DCC: variants seen among roughly 807,000 people sequenced by gnomAD.
DCC encodes DCC netrin 1 receptor.
DCC carries 58 observed loss-of-function variants against 172.5 expected under a neutral mutation model. The observed-to-expected ratio is 0.34, with a 90% confidence interval of 0.27 to 0.42. The LOEUF (loss-of-function observed/expected upper bound fraction) is 0.42, where lower values mean the gene tolerates loss of function less well. Ranked by LOEUF, DCC falls within the 10% of genes least tolerant of loss-of-function variation. DCC has a pLI of 1.00. For synonymous variants in DCC, 709 were observed against 644.5 expected, an observed-to-expected ratio of 1.10 and a Z score of -1.52; for missense variants, 1,740 against 1,791.0, an observed-to-expected ratio of 0.97 and a Z score of 0.51.
At chr18:53,126,962 C>T (rs894071373) in intron 7 of DCC, among the ~76,000 whole-genome samples, 5 of 152,072 alleles carry the variant, frequency 3.3e-5, no homozygotes, top group African/African-American at 1.2e-4. Context: ...AATTTAAGGA[C>T]ACAAGAGAGA....
chr18:53,469,245 A>C (rs577418686), intron 25 of DCC, among the ~76,000 whole-genome samples: 2 of 152,170 alleles, frequency 1.3e-5, no homozygotes, highest in African/African-American at 4.8e-5. Context: ...CCTGAAAAAA[A>C]CCTGGTAAAA....
At chr18:52,985,646 T>C (rs1346083997) in intron 5 of DCC, among the ~76,000 whole-genome samples, 4 of 152,144 alleles carry the variant, frequency 2.6e-5, no homozygotes, top group Non-Finnish European at 5.9e-5. Flanking sequence ...TTTACTTTTT[T>C]CAGCCATCTT....
Position 52,800,927 on chromosome 18 carries a change from T to TG in DCC, c.412+48555dup, listed in dbSNP as rs1175620521. On this transcript the variant is annotated intron_variant, in intron 2 of 28. Transcript: ENST00000442544. Reference sequence around the variant, plus strand: ...GTATAATTATGCACCTACTATAAGCTGGCGTATTGGCAGGGTGCATCATTG... The same window carrying TG: ...GTATAATTATGCACCTACTATAAGCTGGGCGTATTGGCAGGGTGCATCATTG... Among the ~76,000 whole-genome samples the TG allele has an allele frequency of 2.0e-5, 3 of 152,186 alleles. No individual in the cohort carries two copies. The East Asian group carries it at 5.8e-4, about 29-fold the overall frequency.
At chr18:52,597,295 G>A (rs16955284) in intron 1 of DCC, among the ~76,000 whole-genome samples, 2,151 of 152,230 alleles carry the variant, frequency 0.014, 54 homozygotes, top group African/African-American at 0.05. Context: ...TCCAGCTGGG[G>A]CTATTGGCTG....
At chr18:52,483,712 C>T (rs1379967424) in intron 1 of DCC, among the ~76,000 whole-genome samples, 1 of 152,058 alleles carries the variant, frequency 6.6e-6, no homozygotes. Flanking sequence ...TTTAATCTAA[C>T]TGTACTAGGC....
intron 1 of DCC, among the ~76,000 whole-genome samples, chr18:52,492,256 C>T (rs1055907860): frequency 2.6e-5 from 4 of 151,640 alleles, no homozygotes; most frequent in African/African-American, 4.8e-5. Context: ...ATTAAGTAGA[C>T]GATTCTCGAG....
intron 1 of DCC, among the ~76,000 whole-genome samples, chr18:52,595,236 C>A (rs2033884362): frequency 6.6e-6 from 1 of 152,092 alleles, no homozygotes; most frequent in Non-Finnish European, 1.5e-5. Flanking sequence ...AAAGATCAAT[C>A]ATATCTTTCC....
chr18:52,662,443 A>C (rs1179290610), intron 1 of DCC, among the ~76,000 whole-genome samples: 9 of 149,872 alleles, frequency 6.0e-5, no homozygotes, highest in Non-Finnish European at 1.2e-4. Flanking sequence ...CCTAAGGGAC[A>C]TGATGACATT....
chr18:52,865,890 A>G (rs1223978259), intron 2 of DCC, among the ~76,000 whole-genome samples: 1 of 152,084 alleles, frequency 6.6e-6, no homozygotes, highest in Admixed American at 6.6e-5. Flanking sequence ...CGCAGAAACT[A>G]TTTAGTTTAA....
At chr18:53,366,109 T>G (rs1248133608) in intron 15 of DCC, among the ~76,000 whole-genome samples, 3 of 151,912 alleles carry the variant, frequency 2.0e-5, no homozygotes, top group African/African-American at 4.8e-5. Flanking sequence ...CAGGCTGGAG[T>G]GCAGTGGCGC....
chr18:52,906,208 C>A lies in DCC; in HGVS notation c.577C>A (p.Pro193Thr). The A allele has an allele frequency of 2.5e-6, 4 of 1,613,882 alleles. No homozygotes were observed. In the East Asian group the frequency reaches 8.9e-5, roughly 36 times the overall value. The change falls in exon 3 of 29, where the codon CCC becomes ACC. Residue 193 changes from proline to threonine, a missense_variant. Physicochemically the swap from Pro to Thr is conservative, Grantham distance 38. Transcript: ENST00000442544. ...AGGTGACTCCCGAGTGGTGGTCTTG[C>A]CCTCTGGAGCATTGCAGATCAGCCG... ...IPGDSRVVVLPSGALQISRLQ... is the reference protein window; with the variant it reads ...IPGDSRVVVLTSGALQISRLQ...
chr18:53,413,838 G>T (rs1599122571), intron 20 of DCC, among the ~76,000 whole-genome samples: 1 of 152,072 alleles, frequency 6.6e-6, no homozygotes, highest in Non-Finnish European at 1.5e-5. Context: ...GATTGGGTGG[G>T]CACTTATGAC....
At chr18:52,558,265 CATTT>C (rs1363760358) in intron 1 of DCC, among the ~76,000 whole-genome samples, 1 of 151,482 alleles carries the variant, frequency 6.6e-6, no homozygotes, top group East Asian at 1.9e-4. Flanking sequence ...TATTAATTAA[CATTT>C]ATTATGATAA....
chr18:52,925,136 C>A, intron 4 of DCC, 98 bp from the exon 5 acceptor site: 1 of 1,230,700 alleles, frequency 8.1e-7, no homozygotes, highest in Non-Finnish European at 1.2e-6. Context: ...TTTCAAGTGT[C>A]TTAATTTGAG....
intron 20 of DCC, among the ~76,000 whole-genome samples, chr18:53,411,247 C>T (rs1185385057): frequency 6.6e-6 from 1 of 151,984 alleles, no homozygotes; most frequent in Non-Finnish European, 1.5e-5. Flanking sequence ...TTTTAGAGCA[C>T]AGTATTATTT....
At chr18:53,087,842 C>G (rs1464722178) in intron 7 of DCC, among the ~76,000 whole-genome samples, 1 of 151,958 alleles carries the variant, frequency 6.6e-6, no homozygotes, top group African/African-American at 2.4e-5. Context: ...TTTCCCAGCA[C>G]CATTTATTAT....
chr18:52,917,654 T>G (rs1049026232), intron 3 of DCC, among the ~76,000 whole-genome samples: 3 of 152,038 alleles, frequency 2.0e-5, no homozygotes, highest in Non-Finnish European at 4.4e-5. Context: ...CATAGGGTGG[T>G]TCCACATTTT....
intron 2 of DCC, among the ~76,000 whole-genome samples, chr18:52,902,391 T>C (rs1250885011): frequency 2.0e-5 from 3 of 152,182 alleles, no homozygotes; most frequent in African/African-American, 7.2e-5. Flanking sequence ...CCATTGCTGC[T>C]ATCATTACAA....
intron 5 of DCC, among the ~76,000 whole-genome samples, chr18:52,947,967 C>T (rs1322977058): frequency 6.6e-6 from 1 of 152,094 alleles, no homozygotes; most frequent in Non-Finnish European, 1.5e-5. Flanking sequence ...ACAATTTCTA[C>T]CTCTAAAAGG....
Sources: allele counts gnomAD v4.1 joint callset (sites outside exome capture counted in the v4.1 genomes callset), GRCh38; gene constraint gnomAD v4.1.1; transcripts MANE v1.5; gene names NCBI Gene and HGNC (gene_info 2026-07-23, HGNC 2026-07-21).